COL4A4: variants seen among roughly 807,000 people sequenced by gnomAD.
COL4A4 encodes the protein collagen alpha-4(IV) chain.
In COL4A4, 105 loss-of-function variants were observed where a neutral mutation model predicts 192.9. That is an observed-to-expected ratio of 0.54 (90% CI 0.46 to 0.64). The LOEUF (loss-of-function observed/expected upper bound fraction) is 0.64. Ranked by LOEUF, COL4A4 falls within the 30% of genes least tolerant of loss-of-function variation. COL4A4 has a pLI of 0.00. For missense variants in COL4A4, 1,967 were observed against 2,169.3 expected, an observed-to-expected ratio of 0.91 and a Z score of 1.85; for synonymous variants, 762 against 769.9, an observed-to-expected ratio of 0.99 and a Z score of 0.17.
chr2:227,140,481 T>C (rs1304692938), intron 3 of COL4A4, among the ~76,000 whole-genome samples: 1 of 152,150 alleles, frequency 6.6e-6, no homozygotes, highest in Non-Finnish European at 1.5e-5. Context: ...CTAAAGTCGT[T>C]TGGCTTTAAC....
intron 24 of COL4A4, among the ~76,000 whole-genome samples, chr2:227,080,049 G>T (rs2059237490): frequency 6.6e-6 from 1 of 152,092 alleles, no homozygotes; most frequent in Admixed American, 6.5e-5. Flanking sequence ...TCCCCCATGT[G>T]CATCTTCTCC....
intron 44 of COL4A4, among the ~76,000 whole-genome samples, chr2:227,018,851 G>T (rs1389256494): frequency 1.3e-5 from 2 of 152,128 alleles, no homozygotes; most frequent in Non-Finnish European, 2.9e-5. Flanking sequence ...AGAGATTACA[G>T]GCAAGCACAC....
At chr2:226,997,287 T>G in the COL4A4 span, 3 of 152,234 alleles carry the variant, frequency 2.0e-5, no homozygotes, top group Non-Finnish European at 2.9e-5. Flanking sequence ...ATGTTACTGC[T>G]CTCTCCCAAA....
chr2:227,032,083 C>T, intron 39 of COL4A4, 28 bp from the exon 40 acceptor site: 3 of 1,613,898 alleles, frequency 1.9e-6, no homozygotes, highest in Non-Finnish European at 2.5e-6. Context: ...CACATGTTAT[C>T]CTCATTGCAT....
intron 3 of COL4A4, 59 bp from the exon 4 acceptor site, chr2:227,140,297 A>G (rs2063114063): frequency 5.1e-6 from 7 of 1,373,434 alleles, no homozygotes; most frequent in Admixed American, 1.7e-5. Context: ...TACGTGCATA[A>G]CACATACATT....
At chr2:227,046,574 A>T (rs1051610191) in intron 35 of COL4A4, among the ~76,000 whole-genome samples, 49 of 152,098 alleles carry the variant, frequency 3.2e-4, no homozygotes, top group African/African-American at 1.1e-3. Context: ...AAGTCAAGCG[A>T]TATGCATATT....
intron 25 of COL4A4, among the ~76,000 whole-genome samples, chr2:227,069,525 A>G (rs1464116714): frequency 6.6e-6 from 1 of 151,888 alleles, no homozygotes; most frequent in African/African-American, 2.4e-5. Flanking sequence ...ACAGAGATAT[A>G]GATCAATGGA....
rs1159762827 is a variant in COL4A4 at position 227,006,405 on chromosome 2, T to G, written c.*920A>C. 1.3e-5 allele frequency: 2 copies of G among 152,716 alleles called. No homozygotes were observed. The highest frequency in any genetic ancestry group is 3.9e-4 in the East Asian group (2 of 5,186). 9.5% of individuals were successfully genotyped at this position (152,716 alleles called of 1,614,324 possible). A position where few individuals can be genotyped will look rare whatever the true frequency, so the allele number is the denominator to read the frequency against. On this transcript the variant is annotated 3_prime_UTR_variant, in exon 48 of 48. Transcript: ENST00000396625. ...GAGCCCCATGTAGCGTCAGTCCCAT[T>G]AGCACGCACGCACCTGTGACACGCC...
At chr2:227,127,187 C>T (rs529387983) in intron 4 of COL4A4, among the ~76,000 whole-genome samples, 38 of 152,288 alleles carry the variant, frequency 2.5e-4, no homozygotes, top group African/African-American at 7.0e-4. Context: ...TTTTTGGCTA[C>T]GTGCGCATGC....
Position 227,114,711 on chromosome 2 carries a change from T to C in COL4A4, c.490-15A>G, listed in dbSNP as rs2061397568. On this transcript the variant is annotated splice_polypyrimidine_tract_variant and intron_variant, in intron 7 of 47. Coordinates refer to ENST00000396625, the MANE Select transcript of COL4A4 (RefSeq NM_000092.5). The stretch of plus-strand genomic sequence containing the variant: ...CCAGGATGGCCCTGAAAATAAAATA[T>C]GTATGTACTTAACAGGAAAATAGCA... 1 of 1,599,098 alleles carries C rather than the reference T, an allele frequency of 6.3e-7. No homozygotes were observed. The highest frequency in any genetic ancestry group is 8.6e-7 in the Non-Finnish European group (1 of 1,166,326).
At chr2:227,157,588 G>A (rs2064454967) in intron 1 of COL4A4, among the ~76,000 whole-genome samples, 2 of 151,858 alleles carry the variant, frequency 1.3e-5, no homozygotes, top group South Asian at 4.1e-4. Context: ...AAATGACAAA[G>A]GGGATTAAAA....
chr2:227,147,498 AG>A lies in COL4A4; in HGVS notation c.-16del, dbSNP rs1559742797. On this transcript the variant is annotated 5_prime_UTR_variant, in exon 2 of 48. Transcript: ENST00000396625. Reference sequence around the variant, plus strand: ...AGAGACCACATCGCAGGCAAGTCTTAGTACTTAAAAAATATTCTGCCAGTCT... The same window carrying A: ...AGAGACCACATCGCAGGCAAGTCTTATACTTAAAAAATATTCTGCCAGTCT... 2 of 1,611,516 alleles carry A rather than the reference AG, an allele frequency of 1.2e-6. No individual in the cohort carries two copies. The highest frequency in any genetic ancestry group is 1.7e-6 in the Non-Finnish European group (2 of 1,178,098).
chr2:227,158,806 A>C (rs2064566157), intron 1 of COL4A4, among the ~76,000 whole-genome samples: 1 of 149,984 alleles, frequency 6.7e-6, no homozygotes, highest in South Asian at 2.1e-4. Context: ...AAATTAAAAA[A>C]TTAACAGCAA....
At chr2:227,148,120 G>T (rs1454974295) in intron 1 of COL4A4, among the ~76,000 whole-genome samples, 1 of 152,082 alleles carries the variant, frequency 6.6e-6, no homozygotes, top group Non-Finnish European at 1.5e-5. Flanking sequence ...TAAACATAGA[G>T]TTACTATATG....
At chr2:227,029,532 A>G (rs1967797871) in intron 41 of COL4A4, among the ~76,000 whole-genome samples, 1 of 152,170 alleles carries the variant, frequency 6.6e-6, no homozygotes, top group Admixed American at 6.5e-5. Flanking sequence ...CTGTGACCTA[A>G]TCTTTTGCCT....
At chr2:227,119,851 T>C (rs763161154) in intron 6 of COL4A4, 44 bp downstream of exon 6, 1 of 1,461,996 alleles carries the variant, frequency 6.8e-7, no homozygotes. Flanking sequence ...TGATGAGTAC[T>C]TCTGCCTTTT....
At chr2:227,114,748 C>A in intron 7 of COL4A4, 52 bp from the exon 8 acceptor site, 1 of 1,377,544 alleles carries the variant, frequency 7.3e-7, no homozygotes. Context: ...ATTACCATTT[C>A]AGTATTTTCT....
Position 227,080,401 on chromosome 2 carries a change from T to A in COL4A4, c.1803+42A>T, listed in dbSNP as rs759689631. 44 of 1,527,744 alleles carry A rather than the reference T, an allele frequency of 2.9e-5. 1 individual carries two copies. The Admixed American group carries it at 4.3e-4, about 15-fold the overall frequency. The allele number at this position is 1,527,744 out of a possible 1,614,324, so 94.6% of individuals were successfully genotyped here. A position where few individuals can be genotyped will look rare whatever the true frequency, so the allele number is the denominator to read the frequency against. On this transcript the variant is annotated intron_variant, in intron 24 of 47. Transcript: ENST00000396625. ...GGAAATAGTTGTTTGTATGACCATA[T>A]AAGAAAGTGAAATTCTATAGCAAGA...
chr2:227,018,519 C>G (rs1965373697), intron 44 of COL4A4, among the ~76,000 whole-genome samples: 1 of 152,104 alleles, frequency 6.6e-6, no homozygotes, highest in African/African-American at 2.4e-5. Flanking sequence ...TAACAGGAAC[C>G]CAGAGGCTCC....
Sources: gnomAD v4.1 joint callset for allele counts (sites outside exome capture counted in the v4.1 genomes callset) on GRCh38, gnomAD v4.1.1 for gene constraint, MANE v1.5 for transcripts, NCBI Gene and HGNC (gene_info 2026-07-23, HGNC 2026-07-21) for gene names.